Variants in GAS7 observed in about 807,000 individuals in gnomAD.
GAS7 encodes growth arrest-specific protein 7.
In GAS7, 28 loss-of-function variants were observed where a neutral mutation model predicts 71.1. The ratio of observed to expected loss-of-function variants is 0.39; its 90% confidence interval spans 0.29 to 0.54. The LOEUF (loss-of-function observed/expected upper bound fraction) is 0.54, where lower values mean the gene tolerates loss of function less well. Ranked by LOEUF, GAS7 falls within the 20% of genes least tolerant of loss-of-function variation. GAS7 has a pLI of 0.62. For synonymous variants in GAS7, 258 were observed against 245.8 expected (o/e 1.05, Z -0.46); for missense variants, 436 against 627.8 (o/e 0.69, Z 3.27).
rs932781407 is a variant in GAS7 at position 9,926,903 on chromosome 17, A to G, written c.886-134T>C. 18 of 886,956 alleles carry G rather than the reference A, an allele frequency of 2.0e-5. No homozygotes were observed. The East Asian group carries it at 3.9e-4, about 19-fold the overall frequency. 54.9% of individuals were successfully genotyped at this position (886,956 alleles called of 1,614,324 possible). On this transcript the variant is annotated intron_variant, in intron 9 of 13. Transcript: ENST00000432992. The surrounding 1 kb of genome is among the most constrained non-coding windows in gnomAD (Gnocchi z 5.0). ...GAGTCTGGGGTAGCGACCTGGCAGG[A>G]AGGTGAGAGACACCCCCTGACACGT...
intron 9 of GAS7, among the ~76,000 whole-genome samples, 197 bp downstream of exon 9, chr17:9,933,969 A>G (rs1213930237): frequency 6.6e-6 from 1 of 152,220 alleles, no homozygotes; most frequent in Non-Finnish European, 1.5e-5. Flanking sequence ...TACTGTGTCT[A>G]TACAAAAATG....
intron 2 of GAS7, among the ~76,000 whole-genome samples, chr17:10,008,308 ATTTG>A (rs1164823965): frequency 6.6e-6 from 1 of 152,190 alleles, no homozygotes; most frequent in East Asian, 1.9e-4. Flanking sequence ...TATTCTACAC[ATTTG>A]TTTTTGTTCC....
At position 9,919,820 on chromosome 17, in the gene GAS7, T is replaced by C; in HGVS notation, c.1139-115A>G. The C allele has an allele frequency of 1.3e-6, 1 of 795,410 alleles. No individual in the cohort carries two copies. The allele number at this position is 795,410 out of a possible 1,614,324, so 49.3% of individuals were successfully genotyped here. A position where few individuals can be genotyped will look rare whatever the true frequency, so the allele number is the denominator to read the frequency against. On this transcript the variant is annotated intron_variant, in intron 11 of 13. Transcript: ENST00000432992. The surrounding 1 kb of genome is among the most constrained non-coding windows in gnomAD (Gnocchi z 5.0). ...CTCCCCCTGGGGTCATGGTGGCCGC[T>C]GGAAAGCTGGAAAAGGGATGGCAGT... is the stretch of plus-strand genomic sequence containing the variant.
intron 1 of GAS7, among the ~76,000 whole-genome samples, chr17:10,161,077 G>A (rs967578075): frequency 7.2e-5 from 11 of 152,074 alleles, no homozygotes; most frequent in African/African-American, 2.7e-4. Flanking sequence ...AACAAGGGTC[G>A]CGGCTCCGTT....
rs867611877 is a variant in GAS7 at position 9,942,979 on chromosome 17, C to T, written c.731+142G>A. The T allele has an allele frequency of 1.0e-5, 6 of 575,678 alleles. No individual in the cohort carries two copies. In the Admixed American group the frequency reaches 1.4e-4, roughly 13 times the overall value. The allele number at this position is 575,678 out of a possible 1,614,324, so 35.7% of individuals were successfully genotyped here. ...AACTGCTGACCAGATCCATCCCAGG[C>T]GCCATGAGTTTGCCGCCTGGCGCTA... On this transcript the variant is annotated intron_variant, in intron 7 of 13. Coordinates refer to ENST00000432992, the MANE Select transcript of GAS7 (RefSeq NM_201433.2).
rs1445531326 is a variant in GAS7, at chr17:10,171,856, G to A, written c.183+26352C>T. ...GAGAAATCCTGCATGAAAGCCCTCT[G>A]TAACCGCTATAGGACTAAACAAGTG... is the stretch of plus-strand genomic sequence containing the variant. On this transcript the variant is annotated intron_variant, in intron 1 of 13. Transcript: ENST00000432992. 2.6e-5 allele frequency among the ~76,000 whole-genome samples: 4 copies of A among 152,166 alleles called. No individual in the cohort carries two copies. In the East Asian group the frequency reaches 7.7e-4, roughly 29 times the overall value.
intron 4 of GAS7, among the ~76,000 whole-genome samples, chr17:9,960,690 C>T (rs61467941): frequency 1.3e-5 from 2 of 152,344 alleles, no homozygotes; most frequent in African/African-American, 2.4e-5. Flanking sequence ...CTCAGAAACC[C>T]GTCAGCAAAT....
chr17:10,186,032 T>C (rs1416771034), intron 1 of GAS7, among the ~76,000 whole-genome samples: 4 of 144,826 alleles, frequency 2.8e-5, no homozygotes, highest in African/African-American at 1.0e-4. Flanking sequence ...CTCGGCTCAC[T>C]GCAAGCTCCG....
intron 1 of GAS7, among the ~76,000 whole-genome samples, chr17:10,088,287 A>G (rs960179954): frequency 5.9e-5 from 9 of 151,512 alleles, no homozygotes; most frequent in African/African-American, 4.8e-5. Flanking sequence ...GGAGTGAGCT[A>G]GCACAACCCT....
chr17:10,175,438 G>T (rs959072462), intron 1 of GAS7, among the ~76,000 whole-genome samples: 29 of 151,974 alleles, frequency 1.9e-4, no homozygotes, highest in African/African-American at 7.0e-4. Context: ...CAAGCTCAAG[G>T]TTGCTTGTAA....
At chr17:10,044,295 G>A (rs1474586810) in intron 1 of GAS7, among the ~76,000 whole-genome samples, 1 of 152,132 alleles carries the variant, frequency 6.6e-6, no homozygotes, top group African/African-American at 2.4e-5. Flanking sequence ...GTTCATCCAG[G>A]GCTGATCAGC....
intron 1 of GAS7, among the ~76,000 whole-genome samples, chr17:10,135,781 C>G (rs2074032957): frequency 6.6e-6 from 1 of 152,104 alleles, no homozygotes; most frequent in South Asian, 2.1e-4. Context: ...TACCCACCAG[C>G]AAAGGAGGAT....
chr17:10,146,556 A>G (rs563835269), intron 1 of GAS7, among the ~76,000 whole-genome samples: 1 of 152,274 alleles, frequency 6.6e-6, no homozygotes, highest in South Asian at 2.1e-4. Flanking sequence ...CTGAACCAGC[A>G]GCTCTGGGAG....
intron 4 of GAS7, among the ~76,000 whole-genome samples, chr17:9,963,603 G>A (rs1187345232): frequency 6.6e-6 from 1 of 151,988 alleles, no homozygotes; most frequent in African/African-American, 2.4e-5. Context: ...GTATGGTGGC[G>A]CACACCTGTA....
At chr17:10,128,393 G>A (rs1050865791) in intron 1 of GAS7, among the ~76,000 whole-genome samples, 2 of 152,152 alleles carry the variant, frequency 1.3e-5, no homozygotes, top group Non-Finnish European at 2.9e-5. Context: ...GGGAGGGGTG[G>A]ATGGGAGACC....
In GAS7 at chr17:9,959,151, A is replaced by G. The variant is rs776707613; in HGVS notation, c.525+51T>C. Reference sequence around the variant, plus strand: ...CATCGCCATGGCAACAGCCCAGCCAAATGCCCCAGCTCGCAGCCCACCCTG... The same window carrying G: ...CATCGCCATGGCAACAGCCCAGCCAGATGCCCCAGCTCGCAGCCCACCCTG... On this transcript the variant is annotated intron_variant, in intron 5 of 13. Transcript: ENST00000432992. The surrounding 1 kb of genome is among the most constrained non-coding windows in gnomAD (Gnocchi z 5.0). 2 of 1,595,252 alleles carry G rather than the reference A, an allele frequency of 1.3e-6. No individual in the cohort carries two copies. Among genetic ancestry groups the G allele is most frequent in the Admixed American group, 1.7e-5 (1 of 59,046 alleles).
rs747768505 is a variant in GAS7 at position 10,021,994 on chromosome 17, AC to A, written c.184-2098del. Among the ~76,000 whole-genome samples the A allele has an allele frequency of 2.6e-5, 4 of 152,304 alleles. No individual in the cohort carries two copies. The South Asian group carries it at 6.2e-4, about 24-fold the overall frequency. On this transcript the variant is annotated intron_variant, in intron 1 of 13. Transcript: ENST00000432992. ...GGGTTAGGGCCAGGTGCAATGTCTC[AC>A]GCTTGTAATCCTAGCACTTTGGGAG... is the stretch of plus-strand genomic sequence containing the variant.
At chr17:10,039,253 C>T (rs1227620086) in intron 1 of GAS7, among the ~76,000 whole-genome samples, 2 of 151,370 alleles carry the variant, frequency 1.3e-5, no homozygotes, top group Non-Finnish European at 2.9e-5. Context: ...CCAAGACCCA[C>T]AGAGATAGTT....
intron 9 of GAS7, among the ~76,000 whole-genome samples, chr17:9,931,816 T>C (rs2152080355): frequency 6.6e-6 from 1 of 152,354 alleles, no homozygotes; most frequent in Non-Finnish European, 1.5e-5. Flanking sequence ...GTAGCAGCTC[T>C]GTTCCCTCTT....
Sources: allele counts gnomAD v4.1 joint callset (sites outside exome capture counted in the v4.1 genomes callset), GRCh38; gene constraint gnomAD v4.1.1; non-coding constraint Gnocchi (gnomAD v3.1); transcripts MANE v1.5; gene names NCBI Gene and HGNC (gene_info 2026-07-23, HGNC 2026-07-21).